Variants in BRF1 observed in about 807,000 individuals in gnomAD.
BRF1 encodes BRF1 general transcription factor IIIB subunit.
BRF1 carries 59 observed loss-of-function variants against 81.7 expected under a neutral mutation model. The ratio of observed to expected loss-of-function variants is 0.72; its 90% CI spans 0.59 to 0.90. BRF1 has a LOEUF of 0.90. Among genes scored for constraint, BRF1 ranks in the 40% least tolerant of loss-of-function variants. BRF1 has a pLI of 0.00. For missense variants in BRF1, 1,050 were observed against 936.3 expected, an observed-to-expected ratio of 1.12 and a Z score of -1.58; for synonymous variants, 491 against 395.6, an observed-to-expected ratio of 1.24 and a Z score of -2.86.
At chr14:105,260,900 A>T (rs2056118315) in intron 3 of BRF1, among the ~76,000 whole-genome samples, 1 of 152,196 alleles carries the variant, frequency 6.6e-6, no homozygotes, top group African/African-American at 2.4e-5. Context: ...CCTCTGGCCA[A>T]TCCCGGGAGG....
intron 1 of BRF1, among the ~76,000 whole-genome samples, chr14:105,297,343 C>T (rs2057787685): frequency 6.7e-6 from 1 of 149,404 alleles, no homozygotes; most frequent in Non-Finnish European, 1.5e-5. Context: ...CCGAAGAGGG[C>T]GGATCACGAG....
intron 7 of BRF1, among the ~76,000 whole-genome samples, 186 bp downstream of exon 7, chr14:105,228,634 A>G (rs1436259886): frequency 2.0e-5 from 3 of 151,576 alleles, no homozygotes; most frequent in Non-Finnish European, 2.9e-5. Context: ...AACTCTCTGG[A>G]GGGAGGCGAG....
intron 16 of BRF1, 25 bp from the exon 17 acceptor site, chr14:105,211,318 C>T: frequency 6.4e-7 from 1 of 1,562,310 alleles, no homozygotes; most frequent in Non-Finnish European, 8.7e-7. Context: ...GGCTCTGACA[C>T]ACACAGAGCT....
chr14:105,282,368 T>C (rs1595459833), intron 2 of BRF1, among the ~76,000 whole-genome samples: 1 of 151,546 alleles, frequency 6.6e-6, no homozygotes, highest in African/African-American at 2.4e-5. Flanking sequence ...GGCCCGTGAG[T>C]TTATTTCCAT....
intron 1 of BRF1, among the ~76,000 whole-genome samples, chr14:105,307,297 G>T (rs1172910392): frequency 6.6e-6 from 1 of 152,004 alleles, no homozygotes; most frequent in Non-Finnish European, 1.5e-5. Context: ...CTAGCCCCCT[G>T]CCCTAAATCA....
intron 3 of BRF1, among the ~76,000 whole-genome samples, chr14:105,263,910 G>A (rs757046594): frequency 2.0e-5 from 3 of 149,432 alleles, no homozygotes; most frequent in Non-Finnish European, 4.4e-5. Flanking sequence ...GGGCAACAGA[G>A]TGAGACTCTG....
rs1235389274 is a variant in BRF1, at chr14:105,215,474, G to A, written c.1772+2070C>T. On this transcript the variant is annotated intron_variant, in intron 15 of 17. Transcript: ENST00000547530. ...ACTGTGTGCAGACACCAGAACACAT[G>A]CACACACACACGTACTGAGTGCACC... Among the ~76,000 whole-genome samples, 3 of 151,110 alleles carry A rather than the reference G, an allele frequency of 2.0e-5. No individual in the cohort carries two copies. In the East Asian group the frequency reaches 5.9e-4, roughly 30 times the overall value.
chr14:105,214,963 C>T (rs974587396), intron 15 of BRF1, among the ~76,000 whole-genome samples: 1 of 152,208 alleles, frequency 6.6e-6, no homozygotes, highest in Non-Finnish European at 1.5e-5. Flanking sequence ...GGTAGACCCC[C>T]TCTCCCCTGC....
At chr14:105,226,473 G>A (rs1893114369) in intron 8 of BRF1, among the ~76,000 whole-genome samples, 161 bp downstream of exon 8, 1 of 152,246 alleles carries the variant, frequency 6.6e-6, no homozygotes, top group Admixed American at 6.5e-5. Context: ...GAGTCTGTGT[G>A]AGGGGCATCC....
intron 1 of BRF1, among the ~76,000 whole-genome samples, chr14:105,296,185 G>T (rs2057736435): frequency 6.6e-6 from 1 of 152,018 alleles, no homozygotes; most frequent in Non-Finnish European, 1.5e-5. Flanking sequence ...GGCCAAGGCG[G>T]GTGGATCGCC....
Position 105,286,260 on chromosome 14 carries a change from C to A in BRF1, c.265+36G>T, listed in dbSNP as rs376994956. 2.5e-6 allele frequency: 4 copies of A among 1,589,412 alleles called. No individual in the cohort carries two copies. In the East Asian group the frequency reaches 6.8e-5, roughly 27 times the overall value. On this transcript the variant is annotated intron_variant, in intron 2 of 17. Transcript: ENST00000547530. ...CACCACCATCCCCATCTCTGGGACC[C>A]GCCGCACGCTCAGCAGCATCCGCGG...
intron 5 of BRF1, chr14:105,247,604 C>CAGGA: frequency 2.0e-6 from 2 of 985,436 alleles, no homozygotes; most frequent in Non-Finnish European, 2.4e-6. Flanking sequence ...CACAGAGCTC[C>CAGGA]TGTTCACTGT....
chr14:105,250,507 G>A lies in BRF1; in HGVS notation c.544+2000C>T, dbSNP rs139544532. The A allele has an allele frequency of 7.4e-4, 1,194 of 1,614,030 alleles. 8 individuals carry two copies. The African/African-American group carries it at 0.014, about 19-fold the overall frequency. ...AGGTTGAACAAGACACCTTCTACAC[G>A]GCCAGTGCCGTCCTGGACGGCAGCG... On this transcript the variant is annotated intron_variant, in intron 5 of 17. Coordinates refer to ENST00000547530, the MANE Select transcript of BRF1 (RefSeq NM_001519.4).
chr14:105,314,654 G>A (rs1386412789), intron 1 of BRF1: 1 of 143,842 alleles, frequency 7.0e-6, no homozygotes, highest in Non-Finnish European at 1.5e-5. Flanking sequence ...AATCGGCGGC[G>A]CCGGCGCGGG....
chr14:105,273,614 C>A (rs939309709), intron 2 of BRF1, among the ~76,000 whole-genome samples: 1 of 152,204 alleles, frequency 6.6e-6, no homozygotes, highest in Non-Finnish European at 1.5e-5. Flanking sequence ...TTTGCCCCAA[C>A]CTGGAGCTCA....
rs587763347 is a variant in BRF1, at chr14:105,275,506, C to T, written c.266-2612G>A. On this transcript the variant is annotated intron_variant, in intron 2 of 17. Transcript: ENST00000547530. ...GACACACCAGCACAGACCGTCCCCG[C>T]GGCCCAGCAAGGCCCAGAGGGAAAC... is the stretch of plus-strand genomic sequence containing the variant. 8.5e-5 allele frequency among the ~76,000 whole-genome samples: 13 copies of T among 152,378 alleles called. No homozygotes were observed. In the East Asian group the frequency reaches 2.3e-3, roughly 27 times the overall value.
chr14:105,228,625 ACT>A (rs1386529029), intron 7 of BRF1, among the ~76,000 whole-genome samples, 193 bp downstream of exon 7: 2 of 151,178 alleles, frequency 1.3e-5, no homozygotes, highest in Non-Finnish European at 2.9e-5. Flanking sequence ...CTAGCAGGGA[ACT>A]CTCTGGAGGG....
At chr14:105,257,129 C>T (rs142050045) in intron 3 of BRF1, among the ~76,000 whole-genome samples, 3 of 152,280 alleles carry the variant, frequency 2.0e-5, no homozygotes, top group Non-Finnish European at 4.4e-5. Flanking sequence ...GACCTGTCTT[C>T]GCTCAGATGA....
chr14:105,299,869 T>C (rs184645541), intron 1 of BRF1, among the ~76,000 whole-genome samples: 131 of 152,332 alleles, frequency 8.6e-4, no homozygotes, highest in Non-Finnish European at 1.7e-3. Flanking sequence ...CCCAGAGAAA[T>C]GAAAACGTAT....
Sources: gnomAD v4.1 joint callset for allele counts (sites outside exome capture counted in the v4.1 genomes callset) on GRCh38, gnomAD v4.1.1 for gene constraint, MANE v1.5 for transcripts, NCBI Gene and HGNC (gene_info 2026-07-23, HGNC 2026-07-21) for gene names.